The following PDE11A variants were observed in gnomAD, a reference collection of about 807,000 sequenced individuals.
The protein encoded by PDE11A is phosphodiesterase 11A.
Under a neutral mutation model 100.5 loss-of-function variants are expected in PDE11A, and 100 were observed. The observed-to-expected ratio is 1.00, with a 90% CI of 0.85 to 1.18. The LOEUF (loss-of-function observed/expected upper bound fraction) is 1.18, where lower values mean the gene tolerates loss of function less well. Among genes scored for constraint, PDE11A ranks in the 50% most tolerant of loss-of-function variants. The probability of loss-of-function intolerance (pLI) is 0.00; values close to 1 mark genes in which losing one functional copy is unlikely to be tolerated. For synonymous variants in PDE11A, 381 were observed against 420.8 expected (o/e 0.91, Z 1.16); for missense variants, 1,141 against 1,152.6 (o/e 0.99, Z 0.15).
intron 5 of PDE11A, among the ~76,000 whole-genome samples, chr2:177,866,737 C>T (rs2084036256): frequency 6.6e-6 from 1 of 152,204 alleles, no homozygotes; most frequent in African/African-American, 2.4e-5. Context: ...AAACAAACTA[C>T]TCTCCAAGGT....
At chr2:177,915,068 A>G (rs771161149) in intron 2 of PDE11A, among the ~76,000 whole-genome samples, 9 of 152,134 alleles carry the variant, frequency 5.9e-5, no homozygotes, top group African/African-American at 9.7e-5. Flanking sequence ...TTTTAGGTTT[A>G]CAGAAAAGTT....
intron 2 of PDE11A, among the ~76,000 whole-genome samples, chr2:177,970,083 C>T (rs941786879): frequency 7.2e-5 from 11 of 152,118 alleles, no homozygotes; most frequent in South Asian, 2.1e-4. Context: ...ATATGCATTT[C>T]GAGTACTGTA....
chr2:177,753,493 C>G (rs1292786634), intron 10 of PDE11A, among the ~76,000 whole-genome samples: 1 of 151,814 alleles, frequency 6.6e-6, no homozygotes, highest in African/African-American at 2.4e-5. Flanking sequence ...CCCAGGCAAC[C>G]CTGACTAGTT....
chr2:178,091,990 C>T (rs1357535200), intron 2 of PDE11A, among the ~76,000 whole-genome samples: 1 of 152,086 alleles, frequency 6.6e-6, no homozygotes, highest in Admixed American at 6.5e-5. Flanking sequence ...TTAAGTCACC[C>T]AAGGTCAACA....
chr2:177,870,190 T>C (rs780486853), intron 5 of PDE11A, among the ~76,000 whole-genome samples: 2 of 152,220 alleles, frequency 1.3e-5, no homozygotes, highest in Non-Finnish European at 2.9e-5. Flanking sequence ...GTTTCTTCCT[T>C]CATTGTTGCT....
Position 177,833,188 on chromosome 2 carries a change from G to A in PDE11A, c.1500+7063C>T, listed in dbSNP as rs76044566. 9.8e-3 allele frequency among the ~76,000 whole-genome samples: 1,487 copies of A among 152,184 alleles called. 22 individuals carry two copies. The highest frequency in any genetic ancestry group is 0.034 in the African/African-American group (1,411 of 41,512). ...CCCCACATTTAATCATCTCCAATGT[G>A]CCTAGGAAACCTGGTGCCTGGATGT... On this transcript the variant is annotated intron_variant, in intron 6 of 19. Transcript: ENST00000286063.
intron 9 of PDE11A, among the ~76,000 whole-genome samples, chr2:177,771,478 C>G (rs375500890): frequency 1.3e-5 from 2 of 152,148 alleles, no homozygotes; most frequent in Non-Finnish European, 2.9e-5. Context: ...CCTCCACTTC[C>G]GAGCCCTGGG....
At chr2:177,680,045 T>G (rs2080838022) in intron 16 of PDE11A, among the ~76,000 whole-genome samples, 1 of 152,042 alleles carries the variant, frequency 6.6e-6, no homozygotes, top group African/African-American at 2.4e-5. Context: ...GTTCAGAAGA[T>G]GGTGCCAGAG....
At chr2:177,638,220 C>T (rs934119023) in intron 19 of PDE11A, among the ~76,000 whole-genome samples, 1 of 151,770 alleles carries the variant, frequency 6.6e-6, no homozygotes, top group East Asian at 1.9e-4. Flanking sequence ...AGGATGGTCT[C>T]GATCTCCTGA....
chr2:177,938,386 T>C (rs1008970202), intron 2 of PDE11A, among the ~76,000 whole-genome samples: 2 of 152,166 alleles, frequency 1.3e-5, no homozygotes, highest in African/African-American at 2.4e-5. Flanking sequence ...CCTACCAGTC[T>C]AAAGGTGTGT....
At chr2:177,704,793 T>A (rs1478067388) in intron 13 of PDE11A, among the ~76,000 whole-genome samples, 1 of 152,198 alleles carries the variant, frequency 6.6e-6, no homozygotes, top group Non-Finnish European at 1.5e-5. Context: ...CATTGTGATT[T>A]TGTGGGAGGG....
intron 17 of PDE11A, among the ~76,000 whole-genome samples, chr2:177,671,534 G>A (rs886666684): frequency 1.3e-5 from 2 of 151,534 alleles, no homozygotes; most frequent in African/African-American, 2.4e-5. Flanking sequence ...TTAAAGAAGG[G>A]CCTATTGTTT....
chr2:177,938,262 A>C (rs2085302663), intron 2 of PDE11A, among the ~76,000 whole-genome samples: 1 of 152,130 alleles, frequency 6.6e-6, no homozygotes, highest in Admixed American at 6.5e-5. Context: ...GGTTTCTTAA[A>C]AGGGAAAAGA....
intron 2 of PDE11A, among the ~76,000 whole-genome samples, chr2:177,909,124 A>G (rs547102549): frequency 1.2e-3 from 180 of 152,298 alleles, no homozygotes; most frequent in Admixed American, 5.7e-3. Flanking sequence ...AAATTTTCTC[A>G]TACAAATGTA....
At chr2:178,051,202 C>G (rs1238345413) in intron 1 of PDE11A, among the ~76,000 whole-genome samples, 2 of 152,188 alleles carry the variant, frequency 1.3e-5, no homozygotes, top group East Asian at 3.8e-4. Flanking sequence ...GGCCAATATT[C>G]AACATTCTTA....
intron 4 of PDE11A, among the ~76,000 whole-genome samples, chr2:177,878,287 T>G (rs1574244504): frequency 6.6e-6 from 1 of 152,346 alleles, no homozygotes; most frequent in South Asian, 2.1e-4. Context: ...TTCTCTTCCA[T>G]GTAACCCTGC....
intron 9 of PDE11A, among the ~76,000 whole-genome samples, chr2:177,800,683 T>C (rs143682969): frequency 3.3e-5 from 5 of 152,332 alleles, no homozygotes; most frequent in Admixed American, 1.3e-4. Flanking sequence ...ACCAGACCCA[T>C]AGACATATTT....
Position 178,072,699 on chromosome 2 carries a change from G to T in PDE11A, c.-262C>A. On this transcript the variant is annotated 5_prime_UTR_variant, in exon 1 of 20. Coordinates refer to ENST00000286063, the MANE Select transcript of PDE11A (RefSeq NM_016953.4). ...AGCACTGAGCTGCCGCCGCTGCCCC[G>T]GCTCCTGTTCCGGAAACCCGAGCTA... 7.1e-7 allele frequency: 1 copy of T among 1,398,854 alleles called. No homozygotes were observed. The highest frequency in any genetic ancestry group is 9.3e-7 in the Non-Finnish European group (1 of 1,077,190). The allele number at this position is 1,398,854 out of a possible 1,614,324, so 86.7% of individuals were successfully genotyped here. A position where few individuals can be genotyped will look rare whatever the true frequency, so the allele number is the denominator to read the frequency against.
rs938773453 is a variant in PDE11A, at chr2:177,998,867, A to G, written c.1071+15435T>C. On this transcript the variant is annotated intron_variant, in intron 2 of 19. Transcript: ENST00000286063. ...CTCCAAGCCCACTACCTGCACTATT[A>G]CACCCAACTGGATGGCTCTTTAAAG... 3.9e-5 allele frequency: 23 copies of G among 585,236 alleles called. No homozygotes were observed. The Middle Eastern group carries it at 1.4e-3, about 36-fold the overall frequency. 36.3% of individuals were successfully genotyped at this position (585,236 alleles called of 1,614,324 possible). A position where few individuals can be genotyped will look rare whatever the true frequency, so the allele number is the denominator to read the frequency against.
Sources: gnomAD v4.1 joint callset for allele counts (sites outside exome capture counted in the v4.1 genomes callset) on GRCh38, gnomAD v4.1.1 for gene constraint, MANE v1.5 for transcripts, NCBI Gene and HGNC (gene_info 2026-07-23, HGNC 2026-07-21) for gene names.